The following AP3D1 variants were observed in gnomAD, a reference collection of about 807,000 sequenced individuals.
AP3D1 encodes AP-3 complex subunit delta-1.
In AP3D1, 51 loss-of-function variants were observed where a neutral mutation model predicts 147.6. The ratio of observed to expected loss-of-function variants is 0.35; its 90% CI spans 0.28 to 0.44. AP3D1 has a LOEUF of 0.44. Ranked by LOEUF, AP3D1 falls within the 20% of genes least tolerant of loss-of-function variation. AP3D1 has a pLI of 1.00. For missense variants in AP3D1, 1,421 were observed against 1,624.2 expected (o/e 0.87, Z 2.15); for synonymous variants, 760 against 663.0 (o/e 1.15, Z -2.25).
Position 2,132,455 on chromosome 19 carries a change from A to T in AP3D1, c.462+16T>A. ...GAGCAGACATGCAGGGGTGGTGGGC[A>T]GGCTTACAAACTCACCAGTGTCATG... On this transcript the variant is annotated intron_variant, in intron 5 of 31. Coordinates refer to ENST00000643116, the MANE Select transcript of AP3D1 (RefSeq NM_001261826.3). 1 of 1,585,656 alleles carries T rather than the reference A, an allele frequency of 6.3e-7. No homozygotes were observed. Among genetic ancestry groups the T allele is most frequent in the Non-Finnish European group, 8.6e-7 (1 of 1,156,332 alleles).
At position 2,151,481 on chromosome 19, in the gene AP3D1, A is replaced by G; in HGVS notation, c.-147T>C. The G allele has an allele frequency of 3.3e-6, 1 of 307,158 alleles. No homozygotes were observed. The highest frequency in any genetic ancestry group is 1.6e-4 in the East Asian group (1 of 6,138). 19.0% of individuals were successfully genotyped at this position (307,158 alleles called of 1,614,324 possible). ...CCAGGCCAGGGCGGCGGCGGGGTCC[A>G]AGGACCGCGGCAGAGGCGGCGACCC... On this transcript the variant is annotated 5_prime_UTR_variant, in exon 1 of 32. Transcript: ENST00000643116.
intron 1 of AP3D1, among the ~76,000 whole-genome samples, chr19:2,144,091 A>C (rs1279256946): frequency 6.6e-6 from 1 of 151,956 alleles, no homozygotes; most frequent in Non-Finnish European, 1.5e-5. Context: ...CGTCTCAAAA[A>C]AAAAAAAAAA....
intron 31 of AP3D1, among the ~76,000 whole-genome samples, chr19:2,107,366 A>C (rs1253475579): frequency 1.3e-5 from 2 of 152,148 alleles, no homozygotes; most frequent in Non-Finnish European, 2.9e-5. Context: ...CGAAAGAAAC[A>C]CGTGCAAACT....
In AP3D1 at chr19:2,108,761, C is replaced by T; in HGVS notation, c.3478G>A (p.Glu1160Lys). The change falls in exon 31 of 32, where the codon GAG becomes AAG. Residue 1160 changes from glutamate to lysine, a missense_variant. Physicochemically the swap from Glu to Lys is moderately conservative, Grantham distance 56. Transcript: ENST00000643116. Reference sequence around the variant, plus strand: ...ATGGAGGCGCAGGAGTCCACTCGCTCCACAACTGCAACAGAGCGGGCAGTG... The same window carrying T: ...ATGGAGGCGCAGGAGTCCACTCGCTTCACAACTGCAACAGAGCGGGCAGTG... ...ICFHHHFSVV[E>K]RVDSCASMYS... The T allele has an allele frequency of 1.9e-6, 3 of 1,568,452 alleles. No homozygotes were observed. The highest frequency in any genetic ancestry group is 2.6e-6 in the Non-Finnish European group (3 of 1,156,934).
At chr19:2,130,047 G>C (rs1443347827) in intron 6 of AP3D1, among the ~76,000 whole-genome samples, 3 of 152,216 alleles carry the variant, frequency 2.0e-5, no homozygotes, top group Non-Finnish European at 4.4e-5. Context: ...ATACACAACA[G>C]CTACACTAGG....
upstream of AP3D1, among the ~76,000 whole-genome samples, chr19:2,155,541 A>AAAG (rs2019638535): frequency 6.6e-6 from 1 of 150,798 alleles, no homozygotes; most frequent in Admixed American, 6.6e-5. Flanking sequence ...CAAAAAAAAA[A>AAAG]AAAAAAAAAA....
chr19:2,115,151 C>T (rs753810228), intron 20 of AP3D1, 68 bp downstream of exon 20: 1 of 1,491,140 alleles, frequency 6.7e-7, no homozygotes, highest in Non-Finnish European at 9.2e-7. Context: ...GGCCACTGTG[C>T]ATGGCCCCAG....
intron 5 of AP3D1, among the ~76,000 whole-genome samples, chr19:2,130,924 A>G (rs12609282): frequency 0.064 from 9,746 of 152,322 alleles, 531 homozygotes; most frequent in East Asian, 0.16. Flanking sequence ...CCCATCTAAC[A>G]GGCCCAGGGA....
chr19:2,119,950 C>T (rs528461339), intron 14 of AP3D1, among the ~76,000 whole-genome samples: 2 of 152,050 alleles, frequency 1.3e-5, no homozygotes, highest in Non-Finnish European at 2.9e-5. Flanking sequence ...GACTCTGTCT[C>T]GGGGCGAGGG....
intron 31 of AP3D1, among the ~76,000 whole-genome samples, chr19:2,107,386 C>G (rs79777512): frequency 6.6e-6 from 1 of 152,016 alleles, no homozygotes. Flanking sequence ...TGGAAATCCT[C>G]AGTATGCTCC....
In AP3D1 at chr19:2,112,863, G is replaced by T; in HGVS notation, c.2784C>A (p.Asp928Glu). Residue 928 changes from aspartate to glutamate, a missense_variant, in exon 24 of 32, where the codon GAC (aspartate) becomes GAA (glutamate). Physicochemically the swap from Asp to Glu is conservative, Grantham distance 45. Coordinates refer to ENST00000643116, the MANE Select transcript of AP3D1 (RefSeq NM_001261826.3). ...EEDDAEGQDQ[D>E]KKSPKPKKKK... ...CCTGGGGGAGTGACAGCCTCACCTTGTCCTGGTCTTGCCCCTCGGCATCGT... is the reference window on the plus strand; with the variant it reads ...CCTGGGGGAGTGACAGCCTCACCTTTTCCTGGTCTTGCCCCTCGGCATCGT... The T allele has an allele frequency of 6.2e-7, 1 of 1,610,432 alleles. No homozygotes were observed.
At chr19:2,151,567 G>A (rs933518163), upstream of AP3D1, 4 of 158,262 alleles carry the variant, frequency 2.5e-5, no homozygotes, top group Non-Finnish European at 4.1e-5. Flanking sequence ...AGATGGCGGC[G>A]GGTCAGCTGA....
intron 1 of AP3D1, among the ~76,000 whole-genome samples, chr19:2,159,073 C>T (rs1222273629): frequency 6.6e-6 from 1 of 152,116 alleles, no homozygotes; most frequent in Admixed American, 6.6e-5. Flanking sequence ...TCACTGCAAC[C>T]TCCGACTCCG....
chr19:2,115,317 T>TCTCCTTCTC lies in AP3D1; in HGVS notation c.2242_2250dup (p.Glu748_Glu750dup), dbSNP rs1201593504. On this transcript the variant is annotated inframe_insertion, in exon 20 of 32. Coordinates refer to ENST00000643116, the MANE Select transcript of AP3D1 (RefSeq NM_001261826.3). Reference sequence around the variant, plus strand: ...GAGCTGTGGCGGCGCTTGCCCTTCTTCTCCTTCTCCTTCCTCTTTTTCCTC... The same window carrying TCTCCTTCTC: ...GAGCTGTGGCGGCGCTTGCCCTTCTTCTCCTTCTCCTCCTTCTCCTTCCTCTTTTTCCTC... 2 of 1,611,646 alleles carry TCTCCTTCTC rather than the reference T, an allele frequency of 1.2e-6. No homozygotes were observed. Among genetic ancestry groups the TCTCCTTCTC allele is most frequent in the Admixed American group, 3.3e-5 (2 of 60,016 alleles).
chr19:2,142,111 G>A (rs1010889521), intron 1 of AP3D1, among the ~76,000 whole-genome samples: 6 of 150,788 alleles, frequency 4.0e-5, no homozygotes, highest in African/African-American at 7.3e-5. Context: ...TCCGCCTCCC[G>A]GGTTCAAGCA....
intron 12 of AP3D1, among the ~76,000 whole-genome samples, 183 bp downstream of exon 12, chr19:2,121,551 T>TC (rs1568287881): frequency 6.6e-6 from 1 of 152,010 alleles, no homozygotes; most frequent in Non-Finnish European, 1.5e-5. Flanking sequence ...CCCCGCCCCC[T>TC]CCACACAGGC....
In AP3D1 at chr19:2,121,731, C is replaced by A; in HGVS notation, c.1101+3G>T. Reference sequence around the variant, plus strand: ...GGGCGGGCGGCGGACAGAGGGCACGCACCATCCCATAGAGCAGGTCCAGGG... The same window carrying A: ...GGGCGGGCGGCGGACAGAGGGCACGAACCATCCCATAGAGCAGGTCCAGGG... On this transcript the variant is annotated splice_donor_region_variant and intron_variant, in intron 12 of 31. Coordinates refer to ENST00000643116, the MANE Select transcript of AP3D1 (RefSeq NM_001261826.3). The A allele has an allele frequency of 6.3e-7, 1 of 1,591,208 alleles. No homozygotes were observed. The highest frequency in any genetic ancestry group is 1.1e-5 in the South Asian group (1 of 88,020).
intron 1 of AP3D1, among the ~76,000 whole-genome samples, chr19:2,143,656 A>G (rs1020819172): frequency 3.3e-5 from 5 of 151,832 alleles, no homozygotes; most frequent in African/African-American, 1.2e-4. Context: ...AGTCACAGCT[A>G]CTTGCAAGGT....
intron 6 of AP3D1, 115 bp from the exon 7 acceptor site, chr19:2,129,572 G>A (rs990696718): frequency 2.3e-6 from 3 of 1,319,040 alleles, no homozygotes; most frequent in East Asian, 5.0e-5. Context: ...CACTGAACAT[G>A]GCCCTGGCTC....
Sources: gnomAD v4.1 joint callset for allele counts (sites outside exome capture counted in the v4.1 genomes callset) on GRCh38, gnomAD v4.1.1 for gene constraint, MANE v1.5 for transcripts, NCBI Gene and HGNC (gene_info 2026-07-23, HGNC 2026-07-21) for gene names.